The following FBXO36 variants were observed in gnomAD, a reference collection of about 807,000 sequenced individuals.
FBXO36 encodes F-box only protein 36.
In FBXO36, 18 loss-of-function variants were observed where a neutral mutation model predicts 17.0. The ratio of observed to expected loss-of-function variants is 1.06; its 90% CI spans 0.73 to 1.57. The LOEUF (loss-of-function observed/expected upper bound fraction) is 1.57. Among genes scored for constraint, FBXO36 ranks in the 40% most tolerant of loss-of-function variants. The probability of loss-of-function intolerance (pLI) is 0.00; values close to 1 mark genes in which losing one functional copy is unlikely to be tolerated. For missense variants in FBXO36, 229 were observed against 221.9 expected, an observed-to-expected ratio of 1.03 and a Z score of -0.20; for synonymous variants, 83 against 85.3, an observed-to-expected ratio of 0.97 and a Z score of 0.15.
At chr2:229,944,177 T>C (rs993468988) in intron 1 of FBXO36, among the ~76,000 whole-genome samples, 1 of 152,196 alleles carries the variant, frequency 6.6e-6, no homozygotes, top group Non-Finnish European at 1.5e-5. Context: ...TAGTTCTTTA[T>C]AGCAATGCAA....
At chr2:229,976,532 A>G (rs2077209363) in intron 2 of FBXO36, 183 bp downstream of exon 2, 1 of 532,494 alleles carries the variant, frequency 1.9e-6, no homozygotes, top group Non-Finnish European at 3.3e-6. Flanking sequence ...AAAACATATT[A>G]GCATTTGGCC....
At chr2:229,965,091 A>G (rs1400566823) in intron 1 of FBXO36, among the ~76,000 whole-genome samples, 3 of 149,516 alleles carry the variant, frequency 2.0e-5, no homozygotes, top group East Asian at 3.9e-4. Flanking sequence ...ATTTTTTTCC[A>G]TCTAGGACTT....
At chr2:229,955,663 A>G (rs2077083729) in intron 1 of FBXO36, among the ~76,000 whole-genome samples, 2 of 152,200 alleles carry the variant, frequency 1.3e-5, no homozygotes, top group African/African-American at 4.8e-5. Context: ...TGTTTGTGGA[A>G]TGAATGAAAT....
chr2:229,930,307 G>T (rs1240680004), intron 1 of FBXO36, among the ~76,000 whole-genome samples: 1 of 152,108 alleles, frequency 6.6e-6, no homozygotes, highest in Non-Finnish European at 1.5e-5. Context: ...GATCGTGCCA[G>T]TGCACTCCAC....
intron 3 of FBXO36, among the ~76,000 whole-genome samples, chr2:230,009,738 T>A (rs533982035): frequency 6.7e-6 from 1 of 149,130 alleles, no homozygotes; most frequent in African/African-American, 2.5e-5. Context: ...AGGTCAGGAC[T>A]TCGAGACCAG....
chr2:229,947,634 T>C (rs185179542), intron 1 of FBXO36, among the ~76,000 whole-genome samples: 4 of 152,332 alleles, frequency 2.6e-5, no homozygotes, highest in Admixed American at 2.6e-4. Context: ...CATGATCCTC[T>C]AAAGTACCAC....
At chr2:229,946,985 G>A (rs955582455) in intron 1 of FBXO36, among the ~76,000 whole-genome samples, 2 of 152,082 alleles carry the variant, frequency 1.3e-5, no homozygotes, top group Non-Finnish European at 2.9e-5. Context: ...TGGCCAACAT[G>A]GTGAAATCCC....
rs547754227 is a variant in FBXO36, at chr2:229,949,721, T to C, written c.97-26520T>C. Among the ~76,000 whole-genome samples, 18 of 151,582 alleles carry C rather than the reference T, an allele frequency of 1.2e-4. No individual in the cohort carries two copies. In the East Asian group the frequency reaches 2.6e-3, roughly 22 times the overall value. Reference sequence around the variant, plus strand: ...CGGGCGGATCACGAGGTCAGGAGATTGAGACCATCCTGGCTGACACGGTGA... The same window carrying C: ...CGGGCGGATCACGAGGTCAGGAGATCGAGACCATCCTGGCTGACACGGTGA... On this transcript the variant is annotated intron_variant, in intron 1 of 3. Coordinates refer to ENST00000283946, the MANE Select transcript of FBXO36 (RefSeq NM_174899.5).
At chr2:230,003,846 T>C (rs1181543765) in intron 3 of FBXO36, among the ~76,000 whole-genome samples, 2 of 152,210 alleles carry the variant, frequency 1.3e-5, no homozygotes, top group Non-Finnish European at 2.9e-5. Context: ...GTCTTCTGCT[T>C]CTTGACTCAT....
At chr2:229,998,594 C>T (rs2077340097) in intron 3 of FBXO36, among the ~76,000 whole-genome samples, 1 of 151,342 alleles carries the variant, frequency 6.6e-6, no homozygotes, top group South Asian at 2.1e-4. Flanking sequence ...TGCACTCCAG[C>T]CTGGGCAACA....
intron 2 of FBXO36, among the ~76,000 whole-genome samples, chr2:229,987,062 A>G (rs537945578): frequency 2.6e-5 from 4 of 151,800 alleles, no homozygotes; most frequent in East Asian, 3.9e-4. Flanking sequence ...TACTAAAAAT[A>G]TAAAAAAATT....
intron 1 of FBXO36, among the ~76,000 whole-genome samples, chr2:229,950,566 A>G (rs1296937931): frequency 6.6e-6 from 1 of 152,212 alleles, no homozygotes; most frequent in Non-Finnish European, 1.5e-5. Context: ...CATTACAACA[A>G]ATTTTATCAT....
chr2:229,926,210 A>C (rs2076911437), intron 1 of FBXO36, among the ~76,000 whole-genome samples: 1 of 151,348 alleles, frequency 6.6e-6, no homozygotes, highest in Non-Finnish European at 1.5e-5. Context: ...CAGGCAGATC[A>C]CTTGAGGCCA....
chr2:230,004,922 C>T (rs770318961), intron 3 of FBXO36, among the ~76,000 whole-genome samples: 59 of 152,122 alleles, frequency 3.9e-4, no homozygotes, highest in Non-Finnish European at 5.6e-4. Context: ...AGGAGAATCG[C>T]TTGAACCCAG....
intron 1 of FBXO36, among the ~76,000 whole-genome samples, chr2:229,971,884 ACT>A (rs2077182008): frequency 1.3e-5 from 2 of 151,058 alleles, no homozygotes; most frequent in African/African-American, 4.9e-5. Context: ...CACTGTGTTG[ACT>A]AGGCTTGTTT....
At chr2:229,948,168 C>T (rs2077037335) in intron 1 of FBXO36, among the ~76,000 whole-genome samples, 1 of 151,888 alleles carries the variant, frequency 6.6e-6, no homozygotes, top group Admixed American at 6.6e-5. Context: ...TAAAAATAAA[C>T]ATTTAAGAAG....
At position 229,922,578 on chromosome 2, in the gene FBXO36, A is replaced by G. The variant is rs183069679; in HGVS notation, c.65A>G (p.Asp22Gly). ...TVGQGPPPSK[D>G]YYQLLVTRSQ... is the part of the protein sequence containing the mutation. ...GGACAAGGCCCGCCGCCTAGCAAAGACTATTACCAGTTACTGGTCACCCGG... is the reference window on the plus strand; with the variant it reads ...GGACAAGGCCCGCCGCCTAGCAAAGGCTATTACCAGTTACTGGTCACCCGG... Residue 22 changes from aspartate (D) to glycine (G), a missense_variant, in exon 1 of 4, where the codon GAC becomes GGC. Asp to Gly is a moderately conservative substitution (Grantham distance 94). Transcript: ENST00000283946. The G allele has an allele frequency of 9.3e-6, 15 of 1,614,030 alleles. No homozygotes were observed. The African/African-American group carries it at 1.9e-4, about 20-fold the overall frequency.
chr2:229,932,815 A>T (rs899814705), intron 1 of FBXO36: 27 of 227,138 alleles, frequency 1.2e-4, no homozygotes, highest in Non-Finnish European at 1.1e-4. Flanking sequence ...TACGCCTGTA[A>T]TCCCAGCACT....
rs890321485 is a variant in FBXO36, at chr2:229,973,938, T to C, written c.97-2303T>C. On this transcript the variant is annotated intron_variant, in intron 1 of 3. Coordinates refer to ENST00000283946, the MANE Select transcript of FBXO36 (RefSeq NM_174899.5). ...GGTGGCACGCGCCTGTGGTCCCAGC[T>C]ACTCAGGAGGCTGAGATGAGAGAAT... is the stretch of plus-strand genomic sequence containing the variant. Among the ~76,000 whole-genome samples, 3 of 151,580 alleles carry C rather than the reference T, an allele frequency of 2.0e-5. No individual in the cohort carries two copies. The Admixed American group carries it at 2.0e-4, about 10-fold the overall frequency.
Sources: allele counts gnomAD v4.1 joint callset (sites outside exome capture counted in the v4.1 genomes callset), GRCh38; gene constraint gnomAD v4.1.1; transcripts MANE v1.5; gene names NCBI Gene and HGNC (gene_info 2026-07-23, HGNC 2026-07-21).